The following ZBTB7C variants were observed in gnomAD, a reference collection of about 807,000 sequenced individuals.
ZBTB7C encodes zinc finger and BTB domain containing 7C.
Under a neutral mutation model 25.7 loss-of-function variants are expected in ZBTB7C, and 8 were observed. The ratio of observed to expected loss-of-function variants is 0.31; its 90% CI spans 0.18 to 0.56. The LOEUF is 0.56. Ranked by LOEUF, ZBTB7C falls within the 20% of genes least tolerant of loss-of-function variation. ZBTB7C has a pLI of 0.91. For synonymous variants in ZBTB7C, 394 were observed against 369.0 expected, an observed-to-expected ratio of 1.07 and a Z score of -0.78; for missense variants, 824 against 855.2, an observed-to-expected ratio of 0.96 and a Z score of 0.46.
chr18:48,078,793 T>C (rs1370959586), intron 3 of ZBTB7C, among the ~76,000 whole-genome samples: 5 of 152,204 alleles, frequency 3.3e-5, no homozygotes, highest in African/African-American at 4.8e-5. Context: ...CCCATAAAAT[T>C]ATACAACATG....
intron 3 of ZBTB7C, among the ~76,000 whole-genome samples, chr18:48,136,043 G>C (rs932752872): frequency 6.6e-6 from 1 of 152,214 alleles, no homozygotes; most frequent in Non-Finnish European, 1.5e-5. Flanking sequence ...AGAGCACGGC[G>C]TGGGGGACCC....
At chr18:48,180,603 G>A in intron 3 of ZBTB7C, 1 of 310,132 alleles carries the variant, frequency 3.2e-6, no homozygotes, top group South Asian at 2.7e-5. Context: ...GTGATGGGGG[G>A]GTGGGCCAGA....
intron 3 of ZBTB7C, among the ~76,000 whole-genome samples, chr18:48,089,532 C>CA (rs2038330162): frequency 6.6e-6 from 1 of 151,384 alleles, no homozygotes; most frequent in Non-Finnish European, 1.5e-5. Flanking sequence ...CCTAGATTTC[C>CA]AGTTGCCCCA....
chr18:48,140,778 C>G (rs1233711569), intron 3 of ZBTB7C, among the ~76,000 whole-genome samples: 1 of 152,224 alleles, frequency 6.6e-6, no homozygotes, highest in East Asian at 1.9e-4. Context: ...TTGCTGCCTC[C>G]CTGTCCTTCC....
chr18:48,242,328 C>A (rs2043552212), intron 2 of ZBTB7C, among the ~76,000 whole-genome samples: 1 of 152,110 alleles, frequency 6.6e-6, no homozygotes, highest in South Asian at 2.1e-4. Flanking sequence ...AAAAGGGAAT[C>A]CTCCCTAAAT....
upstream of ZBTB7C, among the ~76,000 whole-genome samples, chr18:48,411,104 C>A (rs1168195370): frequency 6.6e-6 from 1 of 151,880 alleles, no homozygotes; most frequent in Non-Finnish European, 1.5e-5. Context: ...CAAGATAGTA[C>A]GTTGGGAGTA....
At chr18:48,203,494 G>C (rs142469763) in intron 2 of ZBTB7C, 152 of 152,370 alleles carry the variant, frequency 1.0e-3, no homozygotes, top group African/African-American at 3.4e-3. Context: ...CAGTGCAAAA[G>C]AATGGACTTC....
intron 3 of ZBTB7C, among the ~76,000 whole-genome samples, chr18:48,140,800 C>T (rs1044722133): frequency 3.9e-5 from 6 of 152,108 alleles, no homozygotes; most frequent in Admixed American, 1.3e-4. Flanking sequence ...GGCCCCCACC[C>T]GCGCCCCCAG....
chr18:48,080,431 G>A (rs1465223020), intron 3 of ZBTB7C, among the ~76,000 whole-genome samples: 2 of 152,164 alleles, frequency 1.3e-5, no homozygotes, highest in Admixed American at 6.5e-5. Context: ...TCATTAAGGC[G>A]AAGCTAAGAG....
intron 1 of ZBTB7C, among the ~76,000 whole-genome samples, chr18:48,349,046 G>A (rs770365496): frequency 2.0e-5 from 3 of 152,178 alleles, no homozygotes; most frequent in Admixed American, 6.5e-5. Context: ...GCAAGGAGGT[G>A]GCAGAAGAGC....
chr18:48,197,315 G>T (rs1012841421), intron 2 of ZBTB7C, among the ~76,000 whole-genome samples: 37 of 152,066 alleles, frequency 2.4e-4, no homozygotes, highest in African/African-American at 8.9e-4. Context: ...TTATTGTTTT[G>T]AATTGGCTAA....
At chr18:48,096,385 C>A (rs1381463228) in intron 3 of ZBTB7C, among the ~76,000 whole-genome samples, 1 of 152,142 alleles carries the variant, frequency 6.6e-6, no homozygotes, top group Non-Finnish European at 1.5e-5. Context: ...GCTTTCTGGG[C>A]AGGGCACTTA....
chr18:48,160,876 T>A lies in ZBTB7C; in HGVS notation c.-17+25058A>T, dbSNP rs1406720495. Among the ~76,000 whole-genome samples, 3 of 151,542 alleles carry A rather than the reference T, an allele frequency of 2.0e-5. No homozygotes were observed. In the East Asian group the frequency reaches 5.8e-4, roughly 30 times the overall value. ...TGAAAGGCCTCCCCTGTCCCAAATA[T>A]CTGCTCCCTATCCCCCAAATCTGGG... On this transcript the variant is annotated intron_variant, in intron 3 of 4. Coordinates refer to ENST00000590800, the MANE Select transcript of ZBTB7C (RefSeq NM_001318841.2).
chr18:48,352,177 A>T (rs752755118), intron 1 of ZBTB7C, among the ~76,000 whole-genome samples: 1 of 152,220 alleles, frequency 6.6e-6, no homozygotes, highest in Non-Finnish European at 1.5e-5. Context: ...GTCACCTGGC[A>T]TGGCAGCCAC....
At chr18:48,085,363 G>C (rs1180607557) in intron 3 of ZBTB7C, among the ~76,000 whole-genome samples, 1 of 152,172 alleles carries the variant, frequency 6.6e-6, no homozygotes, top group Non-Finnish European at 1.5e-5. Flanking sequence ...TCTCCCCCAG[G>C]AGAAGTCTCC....
In ZBTB7C at chr18:48,179,291, A is replaced by G. The variant is rs116641822; in HGVS notation, c.-17+6643T>C. Among the ~76,000 whole-genome samples, 880 of 152,258 alleles carry G rather than the reference A, an allele frequency of 5.8e-3. 5 individuals carry two copies. Among genetic ancestry groups the G allele is most frequent in the African/African-American group, 0.018 (763 of 41,560 alleles). ...TAGATGGGACCAGAGTCCCCAACCA[A>G]TAAGGGATCCTGCATGGCTGAGCAA... is the stretch of plus-strand genomic sequence containing the variant. On this transcript the variant is annotated intron_variant, in intron 3 of 4. Transcript: ENST00000590800.
chr18:48,328,443 T>C (rs2046273780), intron 2 of ZBTB7C, among the ~76,000 whole-genome samples: 2 of 152,164 alleles, frequency 1.3e-5, no homozygotes, highest in Admixed American at 6.5e-5. Context: ...ATGTTGTTAT[T>C]TTTTTCTGAT....
At chr18:48,087,634 A>T (rs1254648356) in intron 3 of ZBTB7C, 1 of 151,724 alleles carries the variant, frequency 6.6e-6, no homozygotes, top group Non-Finnish European at 1.5e-5. Context: ...AAAAATTAAA[A>T]AGAAAAAAAA....
chr18:48,319,726 C>T (rs2046044418), intron 2 of ZBTB7C, among the ~76,000 whole-genome samples: 1 of 152,088 alleles, frequency 6.6e-6, no homozygotes, highest in African/African-American at 2.4e-5. Flanking sequence ...GGCATTTGTC[C>T]AATCTTAGCT....
Sources: gnomAD v4.1 joint callset for allele counts (sites outside exome capture counted in the v4.1 genomes callset) on GRCh38, gnomAD v4.1.1 for gene constraint, MANE v1.5 for transcripts, NCBI Gene and HGNC (gene_info 2026-07-23, HGNC 2026-07-21) for gene names.